Variants in OXR1 observed in about 807,000 individuals in gnomAD.
OXR1 encodes oxidation resistance 1.
OXR1 carries 41 observed loss-of-function variants against 104.6 expected under a neutral mutation model. That is an observed-to-expected ratio of 0.39 (90% CI 0.31 to 0.51). The LOEUF is 0.51. Ranked by LOEUF, OXR1 falls within the 20% of genes least tolerant of loss-of-function variation. The pLI is 0.77. For synonymous variants in OXR1, 348 were observed against 348.4 expected (o/e 1.00, Z 0.01); for missense variants, 955 against 1,031.9 (o/e 0.93, Z 1.02).
intron 2 of OXR1, among the ~76,000 whole-genome samples, chr8:106,482,052 A>G (rs1006233093): frequency 6.6e-6 from 1 of 152,044 alleles, no homozygotes; most frequent in African/African-American, 2.4e-5. Flanking sequence ...TTAAACAGAC[A>G]TTTATTGGGT....
In OXR1 at chr8:106,715,694, G is replaced by A. The variant is rs1832172773; in HGVS notation, c.1956+1709G>A. Among the ~76,000 whole-genome samples, 3 of 152,162 alleles carry A rather than the reference G, an allele frequency of 2.0e-5. No individual in the cohort carries two copies. The South Asian group carries it at 6.2e-4, about 32-fold the overall frequency. On this transcript the variant is annotated intron_variant, in intron 11 of 16. Coordinates refer to ENST00000517566, the MANE Select transcript of OXR1 (RefSeq NM_001198533.2). The stretch of plus-strand genomic sequence containing the variant: ...GGGTGGCACGGTGGATGGCAGAATT[G>A]TCAGTCATGAACGGGAATTGAGAGC...
At chr8:106,340,039 T>G (rs527761544) in intron 1 of OXR1, among the ~76,000 whole-genome samples, 68 of 152,154 alleles carry the variant, frequency 4.5e-4, no homozygotes, top group Non-Finnish European at 7.9e-4. Context: ...TTTTCTTAGC[T>G]GATGAAAGAA....
chr8:106,525,666 C>T (rs184065101), intron 3 of OXR1, among the ~76,000 whole-genome samples: 33 of 152,290 alleles, frequency 2.2e-4, no homozygotes, highest in Admixed American at 1.7e-3. Context: ...TGAATAGGTC[C>T]AAAAGGGGGG....
intron 3 of OXR1, among the ~76,000 whole-genome samples, chr8:106,560,919 T>C (rs1816626995): frequency 2.0e-5 from 3 of 152,038 alleles, no homozygotes; most frequent in Admixed American, 2.0e-4. Context: ...TGGGGAACTC[T>C]CTCCCCTAGC....
intron 9 of OXR1, among the ~76,000 whole-genome samples, chr8:106,710,365 CTT>C (rs1831572904): frequency 1.3e-5 from 2 of 151,900 alleles, no homozygotes; most frequent in African/African-American, 2.4e-5. Context: ...GTTTCTGAAA[CTT>C]TTACTTTTTT....
chr8:106,404,440 A>G (rs1818131045), intron 2 of OXR1, among the ~76,000 whole-genome samples: 2 of 152,192 alleles, frequency 1.3e-5, no homozygotes. Flanking sequence ...TTGTGTTATA[A>G]TTCAGCCAGC....
intron 3 of OXR1, among the ~76,000 whole-genome samples, chr8:106,583,000 T>C (rs978458642): frequency 6.6e-6 from 1 of 152,184 alleles, no homozygotes; most frequent in Non-Finnish European, 1.5e-5. Context: ...TGACATAATG[T>C]GGTTATGCTA....
intron 11 of OXR1, among the ~76,000 whole-genome samples, chr8:106,721,873 G>A (rs1832852977): frequency 6.6e-6 from 1 of 152,100 alleles, no homozygotes; most frequent in African/African-American, 2.4e-5. Flanking sequence ...ATCACATTAT[G>A]TCATTGTTGG....
intron 1 of OXR1, among the ~76,000 whole-genome samples, chr8:106,301,984 T>G (rs563041396): frequency 6.4e-4 from 97 of 152,236 alleles, no homozygotes; most frequent in South Asian, 1.9e-3. Flanking sequence ...GCAGATCAGA[T>G]AAAAACAAAA....
At chr8:106,496,338 C>G (rs1331560690) in intron 2 of OXR1, among the ~76,000 whole-genome samples, 1 of 152,152 alleles carries the variant, frequency 6.6e-6, no homozygotes, top group Non-Finnish European at 1.5e-5. Flanking sequence ...GATACATGCT[C>G]AAGTTTTAGA....
chr8:106,636,586 G>A (rs1823159777), intron 3 of OXR1, among the ~76,000 whole-genome samples: 1 of 152,136 alleles, frequency 6.6e-6, no homozygotes. Context: ...GTGAGTCAGT[G>A]GGACAGCAAA....
intron 3 of OXR1, among the ~76,000 whole-genome samples, chr8:106,576,133 T>A (rs1477408855): frequency 6.6e-6 from 1 of 152,060 alleles, no homozygotes; most frequent in Non-Finnish European, 1.5e-5. Flanking sequence ...ATATTATTTT[T>A]ACAAGAACTT....
intron 3 of OXR1, among the ~76,000 whole-genome samples, chr8:106,589,609 C>G (rs554801458): frequency 1.3e-5 from 2 of 152,224 alleles, no homozygotes; most frequent in East Asian, 3.9e-4. Context: ...GTAGAAAACG[C>G]TGGAATTTTT....
rs185302037 is a variant in OXR1, at chr8:106,320,691, G to T, written c.-138-38785G>T. ...ATTCTTCTTTTTTTGGGGGGGGCGG[G>T]GACAGAGTCTTGCTCTGTTGCCCAG... On this transcript the variant is annotated intron_variant, in intron 1 of 16. Transcript: ENST00000517566. Among the ~76,000 whole-genome samples, 593 of 151,546 alleles carry T rather than the reference G, an allele frequency of 3.9e-3. 6 individuals are homozygous for T. The highest frequency in any genetic ancestry group is 0.013 in the African/African-American group (549 of 41,318).
intron 2 of OXR1, among the ~76,000 whole-genome samples, chr8:106,385,228 G>T (rs1239509750): frequency 6.6e-6 from 1 of 152,184 alleles, no homozygotes; most frequent in African/African-American, 2.4e-5. Context: ...TGGAACAGCA[G>T]TTGTCTGTGA....
At chr8:106,355,185 A>G (rs1029686113) in intron 1 of OXR1, among the ~76,000 whole-genome samples, 2 of 152,138 alleles carry the variant, frequency 1.3e-5, no homozygotes, top group Non-Finnish European at 2.9e-5. Context: ...TAATATGAAG[A>G]TATAGTCTTT....
chr8:106,620,125 T>C (rs1821578157), intron 3 of OXR1, among the ~76,000 whole-genome samples: 1 of 152,208 alleles, frequency 6.6e-6, no homozygotes, highest in South Asian at 2.1e-4. Flanking sequence ...TACCCATCCA[T>C]AGGCACTTAA....
intron 2 of OXR1, among the ~76,000 whole-genome samples, chr8:106,512,509 T>C (rs1375898873): frequency 6.6e-6 from 1 of 152,178 alleles, no homozygotes; most frequent in Non-Finnish European, 1.5e-5. Flanking sequence ...CAACTAGTTA[T>C]AATCCAGGCA....
intron 1 of OXR1, among the ~76,000 whole-genome samples, chr8:106,315,104 A>G (rs1164908894): frequency 6.6e-6 from 1 of 151,904 alleles, no homozygotes; most frequent in East Asian, 1.9e-4. Flanking sequence ...AAAGGGTCCT[A>G]GGCTTTTTAA....
Sources: gnomAD v4.1 joint callset for allele counts (sites outside exome capture counted in the v4.1 genomes callset) on GRCh38, gnomAD v4.1.1 for gene constraint, MANE v1.5 for transcripts, NCBI Gene and HGNC (gene_info 2026-07-23, HGNC 2026-07-21) for gene names.